The following GRM5 variants were observed in gnomAD, a reference collection of about 807,000 sequenced individuals.
GRM5 encodes the protein metabotropic glutamate receptor 5.
A neutral mutation model predicts 83.1 loss-of-function variants in GRM5; 19 were observed. The observed-to-expected ratio is 0.23, with a 90% CI of 0.16 to 0.34. The LOEUF (loss-of-function observed/expected upper bound fraction) is 0.34. Ranked by LOEUF, GRM5 falls within the 10% of genes least tolerant of loss-of-function variation. The pLI is 1.00. For missense variants in GRM5, 1,160 were observed against 1,588.3 expected, an observed-to-expected ratio of 0.73 and a Z score of 4.58; for synonymous variants, 675 against 633.6, an observed-to-expected ratio of 1.07 and a Z score of -0.98.
chr11:88,814,507 C>CT (rs149458595), intron 3 of GRM5, among the ~76,000 whole-genome samples: 3,871 of 152,242 alleles, frequency 0.025, 173 homozygotes, highest in African/African-American at 0.089. Context: ...AGTAGGAAGT[C>CT]TTATAATTCA....
chr11:89,049,862 C>A (rs1294014370), intron 1 of GRM5, among the ~76,000 whole-genome samples: 1 of 152,180 alleles, frequency 6.6e-6, no homozygotes, highest in Non-Finnish European at 1.5e-5. Context: ...CCAAACCTTT[C>A]TTTCACTTTC....
chr11:88,564,891 T>A (rs1180856130), intron 8 of GRM5, among the ~76,000 whole-genome samples: 4 of 151,046 alleles, frequency 2.6e-5, no homozygotes, highest in Non-Finnish European at 5.9e-5. Context: ...ATAATCAATG[T>A]CTCCATAGGT....
rs181114851 is a variant in GRM5, at chr11:88,954,512, G to A, written c.661+92700C>T. Among the ~76,000 whole-genome samples, 517 of 152,226 alleles carry A rather than the reference G, an allele frequency of 3.4e-3. 1 individual carries two copies. The highest frequency in any genetic ancestry group is 6.0e-3 in the Non-Finnish European group (408 of 68,006). On this transcript the variant is annotated intron_variant, in intron 2 of 9. Transcript: ENST00000305447. ...ATTTAACAATTTAGTAATATAATCA[G>A]GTCTAACATGAGAGCCCAGCACTGC...
intron 2 of GRM5, among the ~76,000 whole-genome samples, chr11:88,911,414 T>G (rs1389193040): frequency 6.6e-6 from 1 of 152,160 alleles, no homozygotes; most frequent in Non-Finnish European, 1.5e-5. Flanking sequence ...GCTAACAAAT[T>G]AAACAAATTT....
chr11:88,811,247 T>G (rs1182078314), intron 3 of GRM5, among the ~76,000 whole-genome samples: 1 of 152,112 alleles, frequency 6.6e-6, no homozygotes, highest in Admixed American at 6.6e-5. Context: ...ACAGAAGATT[T>G]TTTTTGGAAA....
At chr11:88,559,100 T>C (rs1275544482) in intron 8 of GRM5, among the ~76,000 whole-genome samples, 3 of 151,986 alleles carry the variant, frequency 2.0e-5, no homozygotes, top group African/African-American at 2.4e-5. Context: ...ATAAAGAAAA[T>C]CTATACAAAT....
intron 3 of GRM5, among the ~76,000 whole-genome samples, chr11:88,787,148 TGTGTGTGTG>T (rs1420446187): frequency 1.5e-4 from 22 of 149,474 alleles, no homozygotes; most frequent in African/African-American, 4.7e-4. Flanking sequence ...TGTGTGTGTG[TGTGTGTGTG>T]TGTGTGTGTG....
At chr11:89,029,627 T>A (rs1267437169) in intron 2 of GRM5, among the ~76,000 whole-genome samples, 4 of 152,230 alleles carry the variant, frequency 2.6e-5, no homozygotes, top group African/African-American at 7.2e-5. Context: ...TCAAGTTTTC[T>A]TAACACCAGA....
chr11:88,689,228 T>G (rs185988556), intron 3 of GRM5, among the ~76,000 whole-genome samples: 1 of 152,342 alleles, frequency 6.6e-6, no homozygotes, highest in Admixed American at 6.5e-5. Flanking sequence ...TATTAGGCAC[T>G]GTGTTAAGCT....
intron 9 of GRM5, among the ~76,000 whole-genome samples, chr11:88,524,410 G>A (rs1941809395): frequency 6.6e-6 from 1 of 151,722 alleles, no homozygotes; most frequent in African/African-American, 2.4e-5. Flanking sequence ...TAGAGACGGG[G>A]TTTCACCACA....
At chr11:88,725,395 A>AT (rs1041891903) in intron 3 of GRM5, among the ~76,000 whole-genome samples, 35 of 152,180 alleles carry the variant, frequency 2.3e-4, no homozygotes, top group Non-Finnish European at 1.5e-5. Flanking sequence ...TCAGGGGCTT[A>AT]TAGATCAAAC....
intron 2 of GRM5, among the ~76,000 whole-genome samples, chr11:88,922,046 C>T (rs1945702842): frequency 6.6e-6 from 1 of 151,872 alleles, no homozygotes; most frequent in South Asian, 2.1e-4. Context: ...TGAAAGATCT[C>T]TACAATGAAA....
chr11:88,679,965 A>G, intron 3 of GRM5, among the ~76,000 whole-genome samples: 1 of 152,174 alleles, frequency 6.6e-6, no homozygotes, highest in East Asian at 1.9e-4. Context: ...TGAGAGTTGA[A>G]ACAACTTCAA....
chr11:88,769,777 T>C (rs563331527), intron 3 of GRM5, among the ~76,000 whole-genome samples: 6 of 151,922 alleles, frequency 3.9e-5, no homozygotes, highest in Non-Finnish European at 8.8e-5. Context: ...AATTAATAAG[T>C]GGAGGACAAT....
At chr11:88,829,767 G>A (rs1172637995) in intron 3 of GRM5, among the ~76,000 whole-genome samples, 1 of 152,076 alleles carries the variant, frequency 6.6e-6, no homozygotes, top group East Asian at 1.9e-4. Context: ...ACAAAACTTT[G>A]CCAGTTTTCA....
At chr11:88,513,712 C>A (rs1941445473) in intron 9 of GRM5, among the ~76,000 whole-genome samples, 1 of 151,892 alleles carries the variant, frequency 6.6e-6, no homozygotes, top group African/African-American at 2.4e-5. Context: ...AAATCACTTG[C>A]CACCTTTGAG....
At chr11:88,966,026 G>T (rs150952681) in intron 2 of GRM5, among the ~76,000 whole-genome samples, 9 of 151,954 alleles carry the variant, frequency 5.9e-5, no homozygotes, top group Non-Finnish European at 8.8e-5. Context: ...TTAAATTTAC[G>T]AAAGTAAAAA....
At chr11:88,894,431 GC>G (rs1945197912) in intron 2 of GRM5, among the ~76,000 whole-genome samples, 1 of 151,860 alleles carries the variant, frequency 6.6e-6, no homozygotes, top group African/African-American at 2.4e-5. Flanking sequence ...AATTTTCCTG[GC>G]GATTGACAAC....
At chr11:88,683,313 A>T (rs917567952) in intron 3 of GRM5, among the ~76,000 whole-genome samples, 6 of 152,178 alleles carry the variant, frequency 3.9e-5, no homozygotes, top group African/African-American at 1.4e-4. Flanking sequence ...TTTGCACTCT[A>T]TTCCTTCTCC....
Sources: allele counts gnomAD v4.1 joint callset (sites outside exome capture counted in the v4.1 genomes callset), GRCh38; gene constraint gnomAD v4.1.1; transcripts MANE v1.5; gene names NCBI Gene and HGNC (gene_info 2026-07-23, HGNC 2026-07-21).